The following ACSM2A variants were observed in gnomAD, a reference collection of about 807,000 sequenced individuals.
ACSM2A encodes acyl-coenzyme A synthetase ACSM2A, mitochondrial.
ACSM2A carries 72 observed loss-of-function variants against 76.6 expected under a neutral mutation model. The observed-to-expected ratio is 0.94, with a 90% CI of 0.78 to 1.14. The LOEUF (loss-of-function observed/expected upper bound fraction) is 1.14, where lower values mean the gene tolerates loss of function less well. ACSM2A is among the 50% of genes most tolerant of loss of function. The pLI, the probability that ACSM2A is intolerant of heterozygous loss-of-function variation, is 0.00. For missense variants in ACSM2A, 684 were observed against 708.5 expected, an observed-to-expected ratio of 0.97 and a Z score of 0.39; for synonymous variants, 249 against 255.9, an observed-to-expected ratio of 0.97 and a Z score of 0.26.
chr16:20,468,725 A>C (rs2013173705), intron 3 of ACSM2A, among the ~76,000 whole-genome samples: 1 of 152,210 alleles, frequency 6.6e-6, no homozygotes, highest in African/African-American at 2.4e-5. Context: ...AGGAAACAAG[A>C]ACAAGAATTT....
chr16:20,459,352 G>T (rs1274083276), intron 1 of ACSM2A, among the ~76,000 whole-genome samples: 2 of 152,158 alleles, frequency 1.3e-5, no homozygotes, highest in African/African-American at 4.8e-5. Flanking sequence ...GATAGGACCT[G>T]GGATTTAGGA....
intron 10 of ACSM2A, 122 bp downstream of exon 10, chr16:20,478,799 A>G: frequency 7.7e-7 from 1 of 1,302,794 alleles, no homozygotes; most frequent in South Asian, 2.0e-5. Flanking sequence ...AAGACTGTCC[A>G]GTTTTCAAGA....
chr16:20,476,456 A>G, intron 8 of ACSM2A: 1 of 985,468 alleles, frequency 1.0e-6, no homozygotes, highest in Non-Finnish European at 1.2e-6. Context: ...TACCCTTGGA[A>G]GAACTTTTGC....
intron 10 of ACSM2A, among the ~76,000 whole-genome samples, chr16:20,480,241 T>C (rs1358224639): frequency 6.6e-6 from 1 of 152,006 alleles, no homozygotes; most frequent in African/African-American, 2.4e-5. Context: ...TGCTATGGAG[T>C]GAGCAGAGAT....
chr16:20,463,278 A>C (rs34033364), intron 2 of ACSM2A, among the ~76,000 whole-genome samples: 5 of 152,046 alleles, frequency 3.3e-5, no homozygotes, highest in Admixed American at 6.6e-5. Flanking sequence ...AAAAAAGAGA[A>C]TATTGTATTT....
intron 2 of ACSM2A, among the ~76,000 whole-genome samples, chr16:20,464,405 C>A (rs1274689229): frequency 6.6e-6 from 1 of 152,116 alleles, no homozygotes; most frequent in Non-Finnish European, 1.5e-5. Flanking sequence ...AAGTTCTGCA[C>A]AGTGTATAGG....
chr16:20,486,453 G>C (rs4783532), intron 13 of ACSM2A, 121 bp from the exon 14 acceptor site: 683,233 of 1,059,296 alleles, frequency 0.64, 229,834 homozygotes, highest in Non-Finnish European at 0.7. Flanking sequence ...TTATTGCACA[G>C]GGCAGCTGCC....
chr16:20,462,295 T>G (rs2012669547), intron 2 of ACSM2A, among the ~76,000 whole-genome samples: 1 of 152,102 alleles, frequency 6.6e-6, no homozygotes, highest in Non-Finnish European at 1.5e-5. Context: ...CTACCATAAT[T>G]CTAATGCTGT....
At chr16:20,467,516 G>T (rs534450466) in intron 3 of ACSM2A, among the ~76,000 whole-genome samples, 1 of 152,178 alleles carries the variant, frequency 6.6e-6, no homozygotes, top group East Asian at 1.9e-4. Flanking sequence ...CTTCAGTTTC[G>T]TTGAGGTAGT....
chr16:20,482,387 C>A (rs1433207909), intron 12 of ACSM2A: 2 of 152,060 alleles, frequency 1.3e-5, no homozygotes, highest in African/African-American at 4.8e-5. Context: ...AGAAAGACCC[C>A]TATAAAGCCA....
chr16:20,474,914 T>A (rs1430413285), intron 6 of ACSM2A, among the ~76,000 whole-genome samples: 1 of 152,234 alleles, frequency 6.6e-6, no homozygotes, highest in Non-Finnish European at 1.5e-5. Flanking sequence ...ATCTAAAATA[T>A]ATTCCAAAAA....
chr16:20,465,042 G>C (rs2012892100), intron 2 of ACSM2A, among the ~76,000 whole-genome samples: 2 of 152,084 alleles, frequency 1.3e-5, no homozygotes, highest in African/African-American at 4.8e-5. Flanking sequence ...TCTTTCACGA[G>C]TATACAATAG....
In ACSM2A at chr16:20,460,187, A is replaced by G. The variant is rs754018341; in HGVS notation, c.73A>G (p.Ile25Val). 3 of 1,613,510 alleles carry G rather than the reference A, an allele frequency of 1.9e-6. No individual in the cohort carries two copies. The highest frequency in any genetic ancestry group is 2.5e-6 in the Non-Finnish European group (3 of 1,179,712). ...TCAGATGTCCAGCCGCACTCTCTACATTAATAGTAGGCAACTGGTGTCCCT... is the reference window on the plus strand; with the variant it reads ...TCAGATGTCCAGCCGCACTCTCTACGTTAATAGTAGGCAACTGGTGTCCCT... Reference protein sequence around the residue: ...GTQMSSRTLYINSRQLVSLQW... With the variant: ...GTQMSSRTLYVNSRQLVSLQW... The change falls in exon 2 of 14, where the codon ATT (isoleucine) becomes GTT (valine). Residue 25 changes from isoleucine to valine, a missense_variant. This residue lies in a region of ACSM2A where 519 missense variants were observed against 549.5 expected (regional missense o/e 0.94). Coordinates refer to ENST00000573854, the MANE Select transcript of ACSM2A (RefSeq NM_001308172.2).
In ACSM2A at chr16:20,465,624, C is replaced by A. The variant is rs761252604; in HGVS notation, c.285C>A (p.Asn95Lys). Reference protein sequence around the residue: ...ELSENSQQAANVLSGACGLQR... With the variant: ...ELSENSQQAAKVLSGACGLQR... The stretch of plus-strand genomic sequence containing the variant: ...GTGAAAACAGCCAGCAGGCAGCCAA[C>A]GTCCTCTCGGGAGCCTGTGGCCTGC... The change falls in exon 3 of 14, where the codon AAC becomes AAA. Residue 95 changes from asparagine to lysine, a missense_variant. Physicochemically the swap from Asn to Lys is moderately conservative, Grantham distance 94 (BLOSUM62 0). Transcript: ENST00000573854. 1 of 1,614,010 alleles carries A rather than the reference C, an allele frequency of 6.2e-7. No homozygotes were observed. The highest frequency in any genetic ancestry group is 2.2e-5 in the East Asian group (1 of 44,880).
At chr16:20,474,411 CCTT>C (rs1345563583) in intron 6 of ACSM2A, among the ~76,000 whole-genome samples, 7 of 152,024 alleles carry the variant, frequency 4.6e-5, no homozygotes, top group Non-Finnish European at 1.0e-4. Flanking sequence ...CTCGTGAGCC[CCTT>C]TACAATGTGA....
chr16:20,475,881 G>T, intron 8 of ACSM2A, 108 bp downstream of exon 8: 5 of 1,554,630 alleles, frequency 3.2e-6, no homozygotes. Context: ...TATTCGAGAA[G>T]TATTTATTGA....
At chr16:20,458,904 GCA>G (rs1491424641) in intron 1 of ACSM2A, among the ~76,000 whole-genome samples, 37 of 27,382 alleles carry the variant, frequency 1.4e-3, no homozygotes, top group African/African-American at 0.011. Flanking sequence ...ATATATATAT[GCA>G]TATATATATA....
At chr16:20,478,515 G>A (rs1596672693) in intron 9 of ACSM2A, 61 bp from the exon 10 acceptor site, 1 of 1,571,614 alleles carries the variant, frequency 6.4e-7, no homozygotes, top group Admixed American at 1.7e-5. Flanking sequence ...GCAATCTCAT[G>A]ATGCCATTGA....
At position 20,475,679 on chromosome 16, in the gene ACSM2A, T is replaced by C. The variant is rs2013693641; in HGVS notation, c.1004T>C (p.Val335Ala). The change falls in exon 8 of 14, where the codon GTC (valine) becomes GCC (alanine). Residue 335 changes from valine (V) to alanine (A), a missense_variant. Transcript: ENST00000573854. ...AAGTTCCCCCATCTACAGAACTGCG[T>C]CACTGTAGGGGAGTCCCTTCTTCCA... ...SYKFPHLQNC[V>A]TVGESLLPET... The C allele has an allele frequency of 1.9e-6, 3 of 1,614,022 alleles. No homozygotes were observed. Among genetic ancestry groups the C allele is most frequent in the Non-Finnish European group, 2.5e-6 (3 of 1,179,934 alleles).
Sources: allele counts gnomAD v4.1 joint callset (sites outside exome capture counted in the v4.1 genomes callset), GRCh38; gene constraint gnomAD v4.1.1; regional missense constraint gnomAD v4.1.1; transcripts MANE v1.5; gene names NCBI Gene and HGNC (gene_info 2026-07-23, HGNC 2026-07-21).